Variants in DNAI7 observed in about 807,000 individuals in gnomAD.
DNAI7 encodes dynein axonemal intermediate chain 7, also known as cancer susceptibility 1.
DNAI7 carries 78 observed loss-of-function variants against 86.6 expected under a neutral mutation model. The ratio of observed to expected loss-of-function variants is 0.90; its 90% CI spans 0.75 to 1.09. The LOEUF (loss-of-function observed/expected upper bound fraction) is 1.09. Ranked by LOEUF, DNAI7 falls within the 50% of genes least tolerant of loss-of-function variation. The probability of loss-of-function intolerance (pLI) is 0.00; values close to 1 mark genes in which losing one functional copy is unlikely to be tolerated. For synonymous variants in DNAI7, 274 were observed against 273.0 expected (o/e 1.00, Z -0.04); for missense variants, 753 against 810.2 (o/e 0.93, Z 0.86).
At position 25,121,850 on chromosome 12, in the gene DNAI7, T is replaced by G. The variant is rs1941350557; in HGVS notation, c.1142A>C (p.Asp381Ala). 6.2e-7 allele frequency: 1 copy of G among 1,601,662 alleles called. No individual in the cohort carries two copies. Among genetic ancestry groups the G allele is most frequent in the African/African-American group, 1.3e-5 (1 of 74,248 alleles). Reference sequence around the variant, plus strand: ...ACCCAGAGTTGTGAACTGGCATAAATCCACCACATTGTCTTCAAAGAAATC... The same window carrying G: ...ACCCAGAGTTGTGAACTGGCATAAAGCCACCACATTGTCTTCAAAGAAATC... ...KPDFFEDNVV[D>A]LCQFTTLGGV... Residue 381 changes from aspartate to alanine, a missense_variant, in exon 11 of 16, where the codon GAT (aspartate) becomes GCT (alanine). Asp to Ala is a moderately radical substitution (Grantham distance 126). Transcript: ENST00000395987.
intron 1 of DNAI7, chr12:25,192,931 T>C (rs1249241925): frequency 6.6e-6 from 1 of 151,488 alleles, no homozygotes; most frequent in Non-Finnish European, 1.5e-5. Flanking sequence ...GAGAATCACT[T>C]GAGCCCAGGA....
intron 10 of DNAI7, 112 bp from the exon 11 acceptor site, chr12:25,122,025 C>A (rs1941380777): frequency 1.4e-6 from 1 of 727,172 alleles, no homozygotes; most frequent in African/African-American, 1.8e-5. Flanking sequence ...CAACCAGCTA[C>A]TAAAACTTTT....
intron 9 of DNAI7, among the ~76,000 whole-genome samples, chr12:25,144,142 A>G (rs978837209): frequency 1.3e-5 from 2 of 152,194 alleles, no homozygotes; most frequent in Non-Finnish European, 2.9e-5. Context: ...AAAATAAGCA[A>G]TTCCTGTGCT....
intron 2 of DNAI7, among the ~76,000 whole-genome samples, chr12:25,171,524 C>G: frequency 6.6e-6 from 1 of 152,070 alleles, no homozygotes. Flanking sequence ...AGATTCACAG[C>G]AGAATTCTAC....
downstream of DNAI7, chr12:25,107,118 T>A (rs1949219353): frequency 1.3e-6 from 1 of 748,416 alleles, no homozygotes. Flanking sequence ...GGGCTGACAG[T>A]ATTAATCCTA....
rs993752825 is a variant in DNAI7, at chr12:25,174,517, T to C, written c.22-13320A>G. 1.7e-5 allele frequency among the ~76,000 whole-genome samples: 2 copies of C among 118,252 alleles called. 1 individual carries two copies. The highest frequency in any genetic ancestry group is 3.4e-5 in the Non-Finnish European group (2 of 59,362). The allele number at this position is 118,252 out of a possible 152,430, so 77.6% of individuals were successfully genotyped here. On this transcript the variant is annotated intron_variant, in intron 2 of 15. Coordinates refer to ENST00000395987, the MANE Select transcript of DNAI7 (RefSeq NM_018272.5). ...ATATCCCATATATATGGGATATATA[T>C]ATCATATATATCATATATATGGGAT...
intron 9 of DNAI7, among the ~76,000 whole-genome samples, chr12:25,138,439 G>T (rs189155082): frequency 7.2e-5 from 11 of 152,266 alleles, no homozygotes; most frequent in Admixed American, 2.6e-4. Context: ...CTCCAGCCTG[G>T]CAACAGAGTA....
intron 2 of DNAI7, among the ~76,000 whole-genome samples, chr12:25,175,853 G>A (rs1948899897): frequency 6.6e-6 from 1 of 151,482 alleles, no homozygotes. Context: ...GCTGAGGTGG[G>A]CAGATCACGA....
intron 9 of DNAI7, among the ~76,000 whole-genome samples, chr12:25,139,789 T>C (rs1341558475): frequency 6.6e-6 from 1 of 152,142 alleles, no homozygotes; most frequent in Non-Finnish European, 1.5e-5. Context: ...ATGGCACATG[T>C]ATACCTATGC....
chr12:25,130,930 C>T (rs1014937287), intron 9 of DNAI7, among the ~76,000 whole-genome samples: 4 of 152,064 alleles, frequency 2.6e-5, no homozygotes, highest in South Asian at 2.1e-4. Context: ...AAAATGTGTA[C>T]ATCATCTAAT....
rs561761229 is a variant in DNAI7, at chr12:25,174,022, T to G, written c.22-12825A>C. ...ATATATCATATACATGGAATACATA[T>G]CTCATATATTTATGGAATATATATA... On this transcript the variant is annotated intron_variant, in intron 2 of 15. Transcript: ENST00000395987. 6.7e-5 allele frequency among the ~76,000 whole-genome samples: 10 copies of G among 148,914 alleles called. No homozygotes were observed. In the South Asian group the frequency reaches 2.1e-3, roughly 31 times the overall value.
In DNAI7 at chr12:25,121,741, G is replaced by A. The variant is rs766239149; in HGVS notation, c.1239+12C>T. Reference sequence around the variant, plus strand: ...ATTTTACTTATAAGTTTTGATTCAAGAATCAACCTACTTCCACAATCATCC... The same window carrying A: ...ATTTTACTTATAAGTTTTGATTCAAAAATCAACCTACTTCCACAATCATCC... On this transcript the variant is annotated intron_variant, in intron 11 of 15. Transcript: ENST00000395987. 1.2e-5 allele frequency: 19 copies of A among 1,586,300 alleles called. No homozygotes were observed. Among genetic ancestry groups the A allele is most frequent in the Middle Eastern group, 1.7e-4 (1 of 6,038 alleles).
chr12:25,108,418 A>C lies in DNAI7; in HGVS notation c.*130T>G. ...TTTTTAAAATAAAACTTGAGTAGAA[A>C]ATGCAGATTAGAAAATTTTTAATAG... On this transcript the variant is annotated 3_prime_UTR_variant, in exon 16 of 16. Transcript: ENST00000395987. 1 of 789,322 alleles carries C rather than the reference A, an allele frequency of 1.3e-6. No individual in the cohort carries two copies. Among genetic ancestry groups the C allele is most frequent in the South Asian group, 2.7e-5 (1 of 37,642 alleles). 48.9% of individuals were successfully genotyped at this position (789,322 alleles called of 1,614,324 possible). A position where few individuals can be genotyped will look rare whatever the true frequency, so the allele number is the denominator to read the frequency against.
chr12:25,152,301 C>T lies in DNAI7; in HGVS notation c.438+2018G>A, dbSNP rs191829892. Reference sequence around the variant, plus strand: ...ATTAGAGGGCTGAAACTTGCAGCCCCACTCCCTAGCCTCCAGGATGGGGAG... The same window carrying T: ...ATTAGAGGGCTGAAACTTGCAGCCCTACTCCCTAGCCTCCAGGATGGGGAG... On this transcript the variant is annotated intron_variant, in intron 6 of 15. Coordinates refer to ENST00000395987, the MANE Select transcript of DNAI7 (RefSeq NM_018272.5). 4.5e-4 allele frequency among the ~76,000 whole-genome samples: 68 copies of T among 152,336 alleles called. 1 individual carries two copies. The highest frequency in any genetic ancestry group is 1.5e-3 in the African/African-American group (63 of 41,580).
chr12:25,109,643 C>CT (rs1949626020), intron 15 of DNAI7, among the ~76,000 whole-genome samples: 1 of 152,026 alleles, frequency 6.6e-6, no homozygotes, highest in Non-Finnish European at 1.5e-5. Flanking sequence ...AAGGCATAAA[C>CT]TTTATATAAT....
chr12:25,183,020 GA>G (rs1307789770), intron 2 of DNAI7, among the ~76,000 whole-genome samples: 2 of 150,656 alleles, frequency 1.3e-5, no homozygotes, highest in African/African-American at 4.9e-5. Context: ...AGGAAAGAAG[GA>G]AAATGAGGTA....
At position 25,108,730 on chromosome 12, in the gene DNAI7, C is replaced by T. The variant is rs753827017; in HGVS notation, c.1987G>A (p.Glu663Lys). 7 of 1,602,588 alleles carry T rather than the reference C, an allele frequency of 4.4e-6. No homozygotes were observed. In the South Asian group the frequency reaches 6.6e-5, roughly 15 times the overall value. The change falls in exon 16 of 16, where the codon GAA becomes AAA. Residue 663 changes from glutamate to lysine, a missense_variant. Transcript: ENST00000395987. ...GDRAQRLKIKEESEAFSEALK... is the reference protein window; with the variant it reads ...GDRAQRLKIKKESEAFSEALK... Reference sequence around the variant, plus strand: ...GCTTCAGAAAATGCCTCACTCTCTTCCTTGATCTTCAGTCTTTGTGCTCTG... The same window carrying T: ...GCTTCAGAAAATGCCTCACTCTCTTTCTTGATCTTCAGTCTTTGTGCTCTG...
chr12:25,173,954 TATATCATATATATGGAATACATATATC>T (rs1461008388), intron 2 of DNAI7, among the ~76,000 whole-genome samples: 2 of 143,214 alleles, frequency 1.4e-5, no homozygotes, highest in Non-Finnish European at 3.1e-5. Context: ...ATGGAATACA[TATATCATATATATGGAATACATATATC>T]ATATACATGG....
intron 9 of DNAI7, among the ~76,000 whole-genome samples, chr12:25,138,278 A>G (rs1015718106): frequency 6.6e-6 from 1 of 152,090 alleles, no homozygotes; most frequent in African/African-American, 2.4e-5. Context: ...AGCCGGGCCA[A>G]ATGGTGAAAC....
Sources: gnomAD v4.1 joint callset for allele counts (sites outside exome capture counted in the v4.1 genomes callset) on GRCh38, gnomAD v4.1.1 for gene constraint, MANE v1.5 for transcripts, NCBI Gene and HGNC (gene_info 2026-07-23, HGNC 2026-07-21) for gene names.